The following LSAMP variants were observed in gnomAD, a reference collection of about 807,000 sequenced individuals.
LSAMP encodes the protein limbic system-associated membrane protein.
In LSAMP, 7 loss-of-function variants were observed where a neutral mutation model predicts 38.6. That is an observed-to-expected ratio of 0.18 (90% CI 0.10 to 0.34). The LOEUF (loss-of-function observed/expected upper bound fraction) is 0.34, where lower values mean the gene tolerates loss of function less well. LSAMP is among the 10% of genes least tolerant of loss of function. The pLI, the probability that LSAMP is intolerant of heterozygous loss-of-function variation, is 1.00. For missense variants in LSAMP, 313 were observed against 420.0 expected (o/e 0.75, Z 2.23); for synonymous variants, 154 against 166.8 (o/e 0.92, Z 0.59).
intron 1 of LSAMP, among the ~76,000 whole-genome samples, chr3:116,115,601 C>G (rs1708722680): frequency 6.6e-6 from 1 of 151,984 alleles, no homozygotes; most frequent in African/African-American, 2.4e-5. Flanking sequence ...CCAGTGACTT[C>G]TTAAGATTTG....
chr3:116,006,589 C>T (rs541956015), intron 3 of LSAMP, among the ~76,000 whole-genome samples: 5 of 152,192 alleles, frequency 3.3e-5, no homozygotes, highest in African/African-American at 9.6e-5. Flanking sequence ...AAATGTTTAT[C>T]TCTGGTCTCT....
At chr3:115,832,560 G>C (rs565167364) in intron 6 of LSAMP, among the ~76,000 whole-genome samples, 1 of 152,184 alleles carries the variant, frequency 6.6e-6, no homozygotes, top group South Asian at 2.1e-4. Context: ...GCTGCATTTC[G>C]CTTGGGTTAA....
chr3:115,920,336 T>C (rs1360237518), intron 3 of LSAMP, among the ~76,000 whole-genome samples: 1 of 152,202 alleles, frequency 6.6e-6, no homozygotes, highest in East Asian at 1.9e-4. Context: ...CTTCTCTACA[T>C]CCTATCCAAC....
At chr3:116,429,473 C>G (rs1486438469) in intron 1 of LSAMP, among the ~76,000 whole-genome samples, 9 of 151,886 alleles carry the variant, frequency 5.9e-5, no homozygotes, top group Non-Finnish European at 1.2e-4. Context: ...ACCAGAAATG[C>G]AAATTATTTT....
chr3:115,960,431 T>C (rs1333258717), intron 3 of LSAMP, among the ~76,000 whole-genome samples: 2 of 152,194 alleles, frequency 1.3e-5, no homozygotes, highest in African/African-American at 2.4e-5. Context: ...AGAACAGGCT[T>C]TTCTCTACCA....
intron 1 of LSAMP, among the ~76,000 whole-genome samples, chr3:116,294,106 T>G (rs745699254): frequency 1.3e-5 from 2 of 152,042 alleles, no homozygotes; most frequent in Non-Finnish European, 2.9e-5. Flanking sequence ...ACTTTCAATC[T>G]GCACCTCCCA....
chr3:116,271,516 T>C (rs1008022376), intron 1 of LSAMP, among the ~76,000 whole-genome samples: 23 of 152,280 alleles, frequency 1.5e-4, no homozygotes, highest in East Asian at 1.2e-3. Context: ...TCCCAGTTAG[T>C]TTGTTTCAAA....
chr3:116,251,682 A>G (rs7645796), intron 1 of LSAMP, among the ~76,000 whole-genome samples: 117,438 of 152,158 alleles, frequency 0.77, 45,900 homozygotes, highest in Non-Finnish European at 0.84. Context: ...CAAGGAGTGG[A>G]AGCTTAGGCT....
chr3:116,120,941 T>A (rs894174762), intron 1 of LSAMP, among the ~76,000 whole-genome samples: 21 of 152,182 alleles, frequency 1.4e-4, no homozygotes, highest in Non-Finnish European at 2.6e-4. Flanking sequence ...GCTCATCAAG[T>A]GACCTTCTGA....
rs535268883 is a variant in LSAMP at position 116,189,031 on chromosome 3, GATAA to G, written c.156-102479_156-102476del. Among the ~76,000 whole-genome samples the G allele has an allele frequency of 3.3e-5, 5 of 152,160 alleles. No individual in the cohort carries two copies. The South Asian group carries it at 6.2e-4, about 19-fold the overall frequency. On this transcript the variant is annotated intron_variant, in intron 1 of 6. Coordinates refer to ENST00000490035, the MANE Select transcript of LSAMP (RefSeq NM_002338.5). ...ACTTTATTCTAGGTGCTGGAAACAC[GATAA>G]TAAAGACCAACTAATTCATAAGCTT...
chr3:116,142,397 G>C (rs1322650388), intron 1 of LSAMP, among the ~76,000 whole-genome samples: 1 of 151,954 alleles, frequency 6.6e-6, no homozygotes, highest in Non-Finnish European at 1.5e-5. Context: ...CCTGTAATCT[G>C]CTGTTTTTGT....
In LSAMP at chr3:116,378,594, G is replaced by A. The variant is rs191219764; in HGVS notation, c.155+66283C>T. ...AATTATTTCAACAAGTATTATTGAT[G>A]GTCTTCTATGTCTTGGCACTGAAAA... On this transcript the variant is annotated intron_variant, in intron 1 of 6. Transcript: ENST00000490035. Among the ~76,000 whole-genome samples, 928 of 152,034 alleles carry A rather than the reference G, an allele frequency of 6.1e-3. 5 individuals are homozygous for A. Among genetic ancestry groups the A allele is most frequent in the Non-Finnish European group, 8.4e-3 (574 of 67,944 alleles).
chr3:115,849,744 T>C (rs1440163315), intron 4 of LSAMP, among the ~76,000 whole-genome samples: 2 of 152,212 alleles, frequency 1.3e-5, no homozygotes, highest in Non-Finnish European at 2.9e-5. Context: ...ATCTACTTAA[T>C]ACAACTATAT....
intron 3 of LSAMP, among the ~76,000 whole-genome samples, chr3:115,935,401 A>T (rs1937666646): frequency 6.6e-6 from 1 of 152,172 alleles, no homozygotes; most frequent in Non-Finnish European, 1.5e-5. Context: ...GGAATGAACT[A>T]CAGACAATGG....
intron 3 of LSAMP, among the ~76,000 whole-genome samples, chr3:115,909,898 A>G (rs1937097383): frequency 6.6e-6 from 1 of 151,938 alleles, no homozygotes; most frequent in Non-Finnish European, 1.5e-5. Flanking sequence ...TCTGTGTTTC[A>G]CTCTTCTAAA....
chr3:115,832,768 A>G (rs917760601), intron 6 of LSAMP, among the ~76,000 whole-genome samples: 12 of 152,168 alleles, frequency 7.9e-5, no homozygotes, highest in Admixed American at 2.0e-4. Context: ...TTCTCTAAAA[A>G]CTATTGGATC....
chr3:116,212,413 T>G (rs562662808), intron 1 of LSAMP, among the ~76,000 whole-genome samples: 115 of 152,294 alleles, frequency 7.6e-4, no homozygotes, highest in African/African-American at 2.6e-3. Context: ...TTAAACAGAA[T>G]AGAGAAGAAA....
At chr3:116,262,079 T>C (rs775974011) in intron 1 of LSAMP, among the ~76,000 whole-genome samples, 1 of 152,054 alleles carries the variant, frequency 6.6e-6, no homozygotes, top group Non-Finnish European at 1.5e-5. Context: ...TTCTTTACCA[T>C]TTTGTTTTCA....
intron 1 of LSAMP, among the ~76,000 whole-genome samples, chr3:116,333,533 C>CA (rs35890184): frequency 0.013 from 1,107 of 85,444 alleles, 12 homozygotes; most frequent in Middle Eastern, 0.053. Flanking sequence ...GGTTCCATCT[C>CA]AAAAAAAAAA....
Sources: allele counts gnomAD v4.1 joint callset (sites outside exome capture counted in the v4.1 genomes callset), GRCh38; gene constraint gnomAD v4.1.1; transcripts MANE v1.5; gene names NCBI Gene and HGNC (gene_info 2026-07-23, HGNC 2026-07-21).